Variants in SLC25A1 observed in about 807,000 individuals in gnomAD.
SLC25A1 encodes the protein tricarboxylate transport protein, mitochondrial.
In SLC25A1, 26 loss-of-function variants were observed where a neutral mutation model predicts 38.1. The observed-to-expected ratio is 0.68, with a 90% CI of 0.50 to 0.95. The LOEUF (loss-of-function observed/expected upper bound fraction) is 0.95. Among genes scored for constraint, SLC25A1 ranks in the 40% least tolerant of loss-of-function variants. The pLI is 0.00. For synonymous variants in SLC25A1, 211 were observed against 183.2 expected (o/e 1.15, Z -1.23); for missense variants, 378 against 426.6 (o/e 0.89, Z 1.00).
In SLC25A1 at chr22:19,175,668, G is replaced by T; in HGVS notation, c.*462C>A. 4.6e-6 allele frequency: 1 copy of T among 218,026 alleles called. No homozygotes were observed. The highest frequency in any genetic ancestry group is 7.0e-5 in the South Asian group (1 of 14,288). 13.5% of individuals were successfully genotyped at this position (218,026 alleles called of 1,614,324 possible). ...TGTCCGGGGCGGAGAGAGGGCCCGA[G>T]GGCCAGTTAAGGCCAATGGCGGGAG... On this transcript the variant is annotated 3_prime_UTR_variant, in exon 9 of 9. Transcript: ENST00000215882.
At position 19,178,124 on chromosome 22, in the gene SLC25A1, C is replaced by T; in HGVS notation, c.202+9G>A. ...GCCCCCCGCGGCGCCGCGGCCTCCC[C>T]CTCCTCACCGATGCCCCGGTACCGC... On this transcript the variant is annotated intron_variant, in intron 2 of 8. Transcript: ENST00000215882. This position sits in a 1 kb window ranked among gnomAD's most constrained non-coding sequence, Gnocchi z 4.9. 6.5e-7 allele frequency: 1 copy of T among 1,541,676 alleles called. No homozygotes were observed. Among genetic ancestry groups the T allele is most frequent in the Non-Finnish European group, 8.7e-7 (1 of 1,143,576 alleles).
intron 4 of SLC25A1, 140 bp from the exon 5 acceptor site, chr22:19,177,344 G>A: frequency 1.4e-6 from 1 of 691,832 alleles, no homozygotes. Flanking sequence ...GCCGCCCTGG[G>A]CTGCCCACAC....
rs566540393 is a variant in SLC25A1 at position 19,178,298 on chromosome 22, C to A, written c.95-58G>T. The A allele has an allele frequency of 1.3e-6, 2 of 1,534,906 alleles. No homozygotes were observed. The highest frequency in any genetic ancestry group is 2.8e-5 in the African/African-American group (2 of 70,768). On this transcript the variant is annotated intron_variant, in intron 1 of 8. Coordinates refer to ENST00000215882, the MANE Select transcript of SLC25A1 (RefSeq NM_005984.5). This position sits in a 1 kb window ranked among gnomAD's most constrained non-coding sequence, Gnocchi z 4.9. ...CCGCCCGGCCGCTGGCGCTCGGGCC[C>A]CTCCCCCGTCCCGGACTTCGGTCGG...
Position 19,177,800 on chromosome 22 carries a change from C to A in SLC25A1, c.368G>T (p.Arg123Leu), listed in dbSNP as rs782305001. 1.2e-6 allele frequency: 2 copies of A among 1,610,804 alleles called. No individual in the cohort carries two copies. Among genetic ancestry groups the A allele is most frequent in the Non-Finnish European group, 1.7e-6 (2 of 1,179,460 alleles). Residue 123 changes from arginine to leucine, a missense_variant, in exon 4 of 9, where the codon CGT becomes CTT. By Grantham distance (102) the Arg-to-Leu change is moderately radical. Transcript: ENST00000215882. ...RDAQGRLDST[R>L]GLLCGLGAGV... Reference sequence around the variant, plus strand: ...AGCGCCCAGGCCGCACAGCAGCCCACGCGTGCTGTCCAGCCGTCCCTGGGC... The same window carrying A: ...AGCGCCCAGGCCGCACAGCAGCCCAAGCGTGCTGTCCAGCCGTCCCTGGGC...
chr22:19,178,101 C>T lies in SLC25A1; in HGVS notation c.202+32G>A. ...CGGTGCCGCCGCCCTGGGTACCCGCCCCCCGCGGCGCCGCGGCCTCCCCCT... is the reference window on the plus strand; with the variant it reads ...CGGTGCCGCCGCCCTGGGTACCCGCTCCCCGCGGCGCCGCGGCCTCCCCCT... On this transcript the variant is annotated intron_variant, in intron 2 of 8. Transcript: ENST00000215882. The surrounding 1 kb of genome is among the most constrained non-coding windows in gnomAD (Gnocchi z 4.9). 1 of 1,533,054 alleles carries T rather than the reference C, an allele frequency of 6.5e-7. No homozygotes were observed. Among genetic ancestry groups the T allele is most frequent in the Middle Eastern group, 1.9e-4 (1 of 5,162 alleles). 95.0% of individuals were successfully genotyped at this position (1,533,054 alleles called of 1,614,324 possible). A position where few individuals can be genotyped will look rare whatever the true frequency, so the allele number is the denominator to read the frequency against.
At chr22:19,177,080 C>T (rs201129067) in intron 5 of SLC25A1, 40 bp downstream of exon 5, 743 of 1,596,464 alleles carry the variant, frequency 4.7e-4, no homozygotes, top group Non-Finnish European at 6.1e-4. Flanking sequence ...CCACCCTGGC[C>T]CAGGTCCCTG....
Position 19,178,675 on chromosome 22 carries a change from G to T in SLC25A1, c.-2C>A. 8.9e-7 allele frequency: 1 copy of T among 1,124,534 alleles called. No homozygotes were observed. The allele number at this position is 1,124,534 out of a possible 1,614,324, so 69.7% of individuals were successfully genotyped here. ...GCGCGGGGCGCGGGGCGCGGGCATG[G>T]CGGGCGGGAGGCGGGGCGCCCTGTG... On this transcript the variant is annotated 5_prime_UTR_variant, in exon 1 of 9. Coordinates refer to ENST00000215882, the MANE Select transcript of SLC25A1 (RefSeq NM_005984.5). This position sits in a 1 kb window ranked among gnomAD's most constrained non-coding sequence, Gnocchi z 4.9.
At chr22:19,177,345 C>T in intron 4 of SLC25A1, 141 bp from the exon 5 acceptor site, 1 of 685,302 alleles carries the variant, frequency 1.5e-6, no homozygotes, top group Non-Finnish European at 2.5e-6. Flanking sequence ...CCGCCCTGGG[C>T]TGCCCACACG....
chr22:19,176,996 C>T (rs3213492), intron 5 of SLC25A1, 46 bp from the exon 6 acceptor site: 8 of 1,606,018 alleles, frequency 5.0e-6, no homozygotes, highest in South Asian at 4.4e-5. Context: ...TCTCAGGCCC[C>T]GGTTGGGAAT....
At chr22:19,177,019 G>C in intron 5 of SLC25A1, 69 bp from the exon 6 acceptor site, 2 of 1,588,200 alleles carry the variant, frequency 1.3e-6, no homozygotes, top group South Asian at 1.1e-5. Context: ...GTGTGTGTGG[G>C]GGGTGGGTGT....
intron 5 of SLC25A1, 83 bp from the exon 6 acceptor site, chr22:19,177,033 A>G: frequency 3.8e-6 from 6 of 1,584,796 alleles, no homozygotes; most frequent in Non-Finnish European, 5.2e-6. Context: ...TGGGTGTTGC[A>G]CAAAGCCCAA....
At chr22:19,176,720 C>A in intron 6 of SLC25A1, 27 bp from the exon 7 acceptor site, 1 of 1,605,148 alleles carries the variant, frequency 6.2e-7, no homozygotes, top group South Asian at 1.1e-5. Context: ...TGAGGTGGGT[C>A]AGAGGGTGCC....
intron 4 of SLC25A1, 70 bp from the exon 5 acceptor site, chr22:19,177,274 C>A: frequency 7.6e-7 from 1 of 1,308,334 alleles, no homozygotes; most frequent in East Asian, 2.4e-5. Flanking sequence ...CTGGCAGGCC[C>A]AGGGCCCATC....
chr22:19,178,730 C>G lies in SLC25A1; in HGVS notation c.-57G>C, dbSNP rs1184007650. ...CTTCGGGTCCGAGACTCCAGAACTC[C>G]GCGCTCGGTCCGCGGTGGCGGCGGC... On this transcript the variant is annotated 5_prime_UTR_variant, in exon 1 of 9. Coordinates refer to ENST00000215882, the MANE Select transcript of SLC25A1 (RefSeq NM_005984.5). This position sits in a 1 kb window ranked among gnomAD's most constrained non-coding sequence, Gnocchi z 4.9. 1 of 851,880 alleles carries G rather than the reference C, an allele frequency of 1.2e-6. No homozygotes were observed. Among genetic ancestry groups the G allele is most frequent in the African/African-American group, 1.8e-5 (1 of 54,866 alleles). 52.8% of individuals were successfully genotyped at this position (851,880 alleles called of 1,614,324 possible). A position where few individuals can be genotyped will look rare whatever the true frequency, so the allele number is the denominator to read the frequency against.
At chr22:19,177,366 C>A (rs182529461) in intron 4 of SLC25A1, among the ~76,000 whole-genome samples, 162 bp from the exon 5 acceptor site, 1 of 149,228 alleles carries the variant, frequency 6.7e-6, no homozygotes, top group Non-Finnish European at 1.5e-5. Context: ...GACCATGCCC[C>A]GGGACACAGG....
rs781790784 is a variant in SLC25A1, at chr22:19,176,563, T to G, written c.747+15A>C. On this transcript the variant is annotated intron_variant, in intron 7 of 8. Coordinates refer to ENST00000215882, the MANE Select transcript of SLC25A1 (RefSeq NM_005984.5). Reference sequence around the variant, plus strand: ...GCCTGGTCCCCCCTTCCCCTCCCCTTCCCGGCCCCACCACCTGCATCCGGG... The same window carrying G: ...GCCTGGTCCCCCCTTCCCCTCCCCTGCCCGGCCCCACCACCTGCATCCGGG... 1.2e-6 allele frequency: 2 copies of G among 1,612,286 alleles called. No individual in the cohort carries two copies. Among genetic ancestry groups the G allele is most frequent in the South Asian group, 2.2e-5 (2 of 91,052 alleles).
At position 19,178,600 on chromosome 22, in the gene SLC25A1, G is replaced by A; in HGVS notation, c.74C>T (p.Pro25Leu). The A allele has an allele frequency of 1.7e-6, 2 of 1,210,038 alleles. No homozygotes were observed. The highest frequency in any genetic ancestry group is 4.1e-5 in the South Asian group (1 of 24,540). 75.0% of individuals were successfully genotyped at this position (1,210,038 alleles called of 1,614,324 possible). ...CCCACCTGCCAGGATCGCCTTCCCC[G>A]GGTGCGTCAGCTTGGCCTTCCCGGA... is the stretch of plus-strand genomic sequence containing the variant. ...PASGKAKLTH[P>L]GKAILAGGLA... Residue 25 changes from proline to leucine, a missense_variant, in exon 1 of 9, where the codon CCG becomes CTG. By Grantham distance (98) the Pro-to-Leu change is moderately conservative. Transcript: ENST00000215882. The surrounding 1 kb of genome is among the most constrained non-coding windows in gnomAD (Gnocchi z 4.9).
chr22:19,177,822 G>C lies in SLC25A1; in HGVS notation c.346C>G (p.Gln116Glu), dbSNP rs2083989444. 6.2e-7 allele frequency: 1 copy of C among 1,610,802 alleles called. No homozygotes were observed. The highest frequency in any genetic ancestry group is 8.5e-7 in the Non-Finnish European group (1 of 1,179,220). The change falls in exon 4 of 9, where the codon CAG becomes GAG. Residue 116 changes from glutamine (Q) to glutamate (E), a missense_variant. Transcript: ENST00000215882. The stretch of plus-strand genomic sequence containing the variant: ...CCACGCGTGCTGTCCAGCCGTCCCT[G>C]GGCATCCCGCATGTGGTTGCTGAGG... ...EFLSNHMRDA[Q>E]GRLDSTRGLL...
chr22:19,177,327 A>G (rs2083976287), intron 4 of SLC25A1, 123 bp from the exon 5 acceptor site: 1 of 785,816 alleles, frequency 1.3e-6, no homozygotes, highest in Non-Finnish European at 2.1e-6. Context: ...GAAGCAGTGC[A>G]GCCAAGGCCG....
Sources: gnomAD v4.1 joint callset for allele counts (sites outside exome capture counted in the v4.1 genomes callset) on GRCh38, gnomAD v4.1.1 for gene constraint, Gnocchi (gnomAD v3.1) non-coding constraint, MANE v1.5 for transcripts, NCBI Gene and HGNC (gene_info 2026-07-23, HGNC 2026-07-21) for gene names.